The following ECPAS variants were observed in gnomAD, a reference collection of about 807,000 sequenced individuals.
The protein encoded by ECPAS is proteasome adapter and scaffold protein ECM29.
ECPAS carries 70 observed loss-of-function variants against 255.1 expected under a neutral mutation model. That is an observed-to-expected ratio of 0.27 (90% confidence interval 0.23 to 0.33). ECPAS has a LOEUF of 0.33. Among genes scored for constraint, ECPAS ranks in the 10% least tolerant of loss-of-function variants. ECPAS has a pLI of 1.00. For missense variants in ECPAS, 1,817 were observed against 2,206.4 expected (o/e 0.82, Z 3.54); for synonymous variants, 784 against 775.0 (o/e 1.01, Z -0.19).
At chr9:111,392,615 C>T (rs544091107) in intron 28 of ECPAS, among the ~76,000 whole-genome samples, 153 bp downstream of exon 28, 2 of 152,326 alleles carry the variant, frequency 1.3e-5, no homozygotes, top group South Asian at 4.1e-4. Flanking sequence ...AATAATTGTG[C>T]TATCCACAGC....
chr9:111,429,901 C>G (rs191585957), intron 9 of ECPAS, among the ~76,000 whole-genome samples: 154 of 152,202 alleles, frequency 1.0e-3, no homozygotes, highest in Non-Finnish European at 1.3e-3. Flanking sequence ...GGGTTTGGAC[C>G]TGGAATACTT....
intron 24 of ECPAS, among the ~76,000 whole-genome samples, chr9:111,407,398 T>C (rs1396935860): frequency 1.2e-4 from 2 of 17,158 alleles, no homozygotes; most frequent in South Asian, 1.7e-3. Context: ...CAAAACTCCA[T>C]CTCAGAAAAA....
rs765437719 is a variant in ECPAS at position 111,408,665 on chromosome 9, T to C, written c.2558A>G (p.Glu853Gly). ...PSSKETNKMK[E>G]RAIQTLGYFP... ...ATATCCCAGTGTTTGGATTGCTCGT[T>C]CTTTCATCTGGAAGAACACCAAATT... is the stretch of plus-strand genomic sequence containing the variant. Residue 853 changes from glutamate to glycine, a missense_variant, in exon 24 of 50, where the codon GAA (glutamate) becomes GGA (glycine). Physicochemically the swap from Glu to Gly is moderately conservative, Grantham distance 98 (BLOSUM62 -2). Transcript: ENST00000684092. The C allele has an allele frequency of 6.8e-5, 106 of 1,568,100 alleles. No individual in the cohort carries two copies. Among genetic ancestry groups the C allele is most frequent in the Non-Finnish European group, 1.3e-5 (15 of 1,158,782 alleles).
At chr9:111,413,637 A>G (rs1050454717) in intron 20 of ECPAS, among the ~76,000 whole-genome samples, 1 of 150,584 alleles carries the variant, frequency 6.6e-6, no homozygotes, top group African/African-American at 2.4e-5. Context: ...TATTTTTTCA[A>G]AAAAAAAAAA....
chr9:111,422,117 A>G lies in ECPAS; in HGVS notation c.1332+17T>C. On this transcript the variant is annotated intron_variant, in intron 14 of 49. Transcript: ENST00000684092. Reference sequence around the variant, plus strand: ...ACATCCAAACACAAAGCATAAACTTAGCAGCTGTTTCCCTACCTTGCAAAG... The same window carrying G: ...ACATCCAAACACAAAGCATAAACTTGGCAGCTGTTTCCCTACCTTGCAAAG... 1 of 1,613,846 alleles carries G rather than the reference A, an allele frequency of 6.2e-7. No individual in the cohort carries two copies. Among genetic ancestry groups the G allele is most frequent in the Non-Finnish European group, 8.5e-7 (1 of 1,179,786 alleles).
In ECPAS at chr9:111,393,715, T is replaced by C; in HGVS notation, c.2942A>G (p.Gln981Arg). ...KEVKSHLKEI[Q>R]SAFVSVLSEN... is the part of the protein sequence containing the mutation. ...TGATAGAACTGAAACAAATGCACTT[T>C]GAATTTCTTTAAGATGAGACTGAAA... The change falls in exon 27 of 50, where the codon CAA becomes CGA. Residue 981 changes from glutamine to arginine, a missense_variant. Transcript: ENST00000684092. 1 of 1,588,764 alleles carries C rather than the reference T, an allele frequency of 6.3e-7. No individual in the cohort carries two copies. Among genetic ancestry groups the C allele is most frequent in the Non-Finnish European group, 8.6e-7 (1 of 1,158,336 alleles).
intron 27 of ECPAS, among the ~76,000 whole-genome samples, chr9:111,393,310 A>G (rs900948536): frequency 1.3e-5 from 2 of 152,250 alleles, no homozygotes; most frequent in Admixed American, 6.5e-5. Context: ...TGAAAGATTT[A>G]ACACATATAC....
At chr9:111,431,432 C>A (rs534731970) in intron 8 of ECPAS, among the ~76,000 whole-genome samples, 9 of 152,096 alleles carry the variant, frequency 5.9e-5, no homozygotes, top group Admixed American at 2.0e-4. Context: ...GTGGTGTGCA[C>A]CTGTAATCAC....
chr9:111,375,627 A>G (rs1298899634), intron 37 of ECPAS, among the ~76,000 whole-genome samples: 2 of 152,150 alleles, frequency 1.3e-5, no homozygotes, highest in East Asian at 1.9e-4. Context: ...GCTGGCCTTT[A>G]TTTTTGAAAA....
intron 7 of ECPAS, among the ~76,000 whole-genome samples, chr9:111,436,106 C>A (rs889515905): frequency 6.6e-6 from 1 of 151,638 alleles, no homozygotes; most frequent in East Asian, 1.9e-4. Context: ...ATAAAACATT[C>A]TATAAATTTG....
chr9:111,433,380 T>G lies in ECPAS; in HGVS notation c.709-8A>C. The G allele has an allele frequency of 6.2e-7, 1 of 1,613,790 alleles. No homozygotes were observed. Among genetic ancestry groups the G allele is most frequent in the South Asian group, 1.1e-5 (1 of 91,076 alleles). On this transcript the variant is annotated splice_polypyrimidine_tract_variant and splice_region_variant and intron_variant, in intron 7 of 49. Transcript: ENST00000684092. ...CACGATTCCCAATTTGCACTGTAGA[T>G]AAATGAAGGGAAGGAGAAAGAACAG...
rs1304488532 is a variant in ECPAS at position 111,369,248 on chromosome 9, G to T, written c.4975-75C>A. On this transcript the variant is annotated intron_variant, in intron 45 of 49. Transcript: ENST00000684092. ...ACAGGTATACTATTAAAGCTATCAG[G>T]GTACCAACCAAGGCAGGAGATATTA... The T allele has an allele frequency of 6.1e-6, 7 of 1,142,422 alleles. No individual in the cohort carries two copies. In the African/African-American group the frequency reaches 8.1e-5, roughly 13 times the overall value. The allele number at this position is 1,142,422 out of a possible 1,614,324, so 70.8% of individuals were successfully genotyped here. A position where few individuals can be genotyped will look rare whatever the true frequency, so the allele number is the denominator to read the frequency against.
intron 5 of ECPAS, 83 bp from the exon 6 acceptor site, chr9:111,440,604 G>T (rs1037415258): frequency 8.9e-7 from 1 of 1,123,704 alleles, no homozygotes; most frequent in Non-Finnish European, 1.2e-6. Context: ...CAAAAATCAC[G>T]TAACAAAAAC....
At chr9:111,392,133 G>T (rs569611252) in intron 28 of ECPAS, among the ~76,000 whole-genome samples, 1 of 151,990 alleles carries the variant, frequency 6.6e-6, no homozygotes, top group Non-Finnish European at 1.5e-5. Flanking sequence ...CCAGCTACTC[G>T]GGAGGCTGAG....
At position 111,361,753 on chromosome 9, in the gene ECPAS, C is replaced by G. The variant is rs1021158402; in HGVS notation, c.*277G>C. 2 of 252,194 alleles carry G rather than the reference C, an allele frequency of 7.9e-6. No homozygotes were observed. Among genetic ancestry groups the G allele is most frequent in the Non-Finnish European group, 1.5e-5 (2 of 133,206 alleles). The allele number at this position is 252,194 out of a possible 1,614,324, so 15.6% of individuals were successfully genotyped here. Reference sequence around the variant, plus strand: ...TGTCTATTAATTCCTTTAATAACAGCTTGAACTCTTTTAGTAACTATTTCT... The same window carrying G: ...TGTCTATTAATTCCTTTAATAACAGGTTGAACTCTTTTAGTAACTATTTCT... On this transcript the variant is annotated 3_prime_UTR_variant, in exon 50 of 50. Transcript: ENST00000684092.
chr9:111,389,088 T>C (rs1273405323), intron 31 of ECPAS, among the ~76,000 whole-genome samples: 1 of 152,198 alleles, frequency 6.6e-6, no homozygotes, highest in Non-Finnish European at 1.5e-5. Flanking sequence ...CAAAAGATAC[T>C]CAGAGACAAG....
chr9:111,412,369 C>T (rs1263301748), intron 20 of ECPAS, among the ~76,000 whole-genome samples: 1 of 152,066 alleles, frequency 6.6e-6, no homozygotes, highest in African/African-American at 2.4e-5. Context: ...GAAATTTATT[C>T]ACAGATGATC....
chr9:111,361,892 G>C lies in ECPAS; in HGVS notation c.*138C>G, dbSNP rs1045160510. The stretch of plus-strand genomic sequence containing the variant: ...AAGCTAATAAGGAACAAAATTTAAG[G>C]CTTTTTCTTTTTATTTCAGCCAAGG... On this transcript the variant is annotated 3_prime_UTR_variant, in exon 50 of 50. Transcript: ENST00000684092. 9 of 1,035,132 alleles carry C rather than the reference G, an allele frequency of 8.7e-6. No individual in the cohort carries two copies. The African/African-American group carries it at 1.5e-4, about 17-fold the overall frequency. The allele number at this position is 1,035,132 out of a possible 1,614,324, so 64.1% of individuals were successfully genotyped here. A position where few individuals can be genotyped will look rare whatever the true frequency, so the allele number is the denominator to read the frequency against.
intron 24 of ECPAS, among the ~76,000 whole-genome samples, chr9:111,403,833 T>G (rs2098179895): frequency 6.7e-6 from 1 of 149,906 alleles, no homozygotes; most frequent in African/African-American, 2.5e-5. Flanking sequence ...CATGGAACAT[T>G]TTCCAGGATA....
Sources: gnomAD v4.1 joint callset for allele counts (sites outside exome capture counted in the v4.1 genomes callset) on GRCh38, gnomAD v4.1.1 for gene constraint, MANE v1.5 for transcripts, NCBI Gene and HGNC (gene_info 2026-07-23, HGNC 2026-07-21) for gene names.